Variants in SHANK1 observed in about 807,000 individuals in gnomAD.
The protein encoded by SHANK1 is SH3 and multiple ankyrin repeat domains 1, also known as SH3 and multiple ankyrin repeat domains protein 1.
In SHANK1, 35 loss-of-function variants were observed where a neutral mutation model predicts 165.6. The ratio of observed to expected loss-of-function variants is 0.21; its 90% CI spans 0.16 to 0.28. SHANK1 has a LOEUF of 0.28. Among genes scored for constraint, SHANK1 ranks in the 10% least tolerant of loss-of-function variants. SHANK1 has a pLI of 1.00. For synonymous variants in SHANK1, 1,428 were observed against 1,384.8 expected, an observed-to-expected ratio of 1.03 and a Z score of -0.69; for missense variants, 2,681 against 3,036.4, an observed-to-expected ratio of 0.88 and a Z score of 2.75.
Position 50,711,060 on chromosome 19 carries a change from T to G in SHANK1, c.1077+311A>C, listed in dbSNP as rs1303787565. On this transcript the variant is annotated intron_variant, in intron 8 of 23. Coordinates refer to ENST00000293441, the MANE Select transcript of SHANK1 (RefSeq NM_016148.5). ...GGATCTGGATTCCCTGTGACTTTGC[T>G]CTGAGCACTCTGGACTGTAGCAGCA... The G allele has an allele frequency of 1.0e-5, 3 of 288,048 alleles. No homozygotes were observed. The East Asian group carries it at 2.3e-4, about 22-fold the overall frequency. The allele number at this position is 288,048 out of a possible 1,614,324, so 17.8% of individuals were successfully genotyped here.
Position 50,666,899 on chromosome 19 carries a change from T to G in SHANK1, c.5061A>C (p.Pro1687=), listed in dbSNP as rs1985545811. The G allele has an allele frequency of 1.3e-6, 2 of 1,597,098 alleles. No homozygotes were observed. Among genetic ancestry groups the G allele is most frequent in the Admixed American group, 1.7e-5 (1 of 57,696 alleles). ...TGGAGGCGCTGCTGATGGTCTCCAG[T>G]GGGTGGTCACTGCTGCTCCGACTGT... ...EVDSRSSSDH[P]LETISSASTL... is the part of the protein sequence containing the mutation. The change falls in exon 23 of 24, where the codon CCA becomes CCC. Residue 1687 remains proline (P), a synonymous_variant. Coordinates refer to ENST00000293441, the MANE Select transcript of SHANK1 (RefSeq NM_016148.5).
At chr19:50,698,466 C>T (rs1986809296) in intron 12 of SHANK1, among the ~76,000 whole-genome samples, 1 of 152,166 alleles carries the variant, frequency 6.6e-6, no homozygotes, top group Non-Finnish European at 1.5e-5. Flanking sequence ...AGATTAGCAT[C>T]ACCTCTTTCC....
chr19:50,671,302 G>C (rs891692874), intron 22 of SHANK1, among the ~76,000 whole-genome samples: 19 of 144,944 alleles, frequency 1.3e-4, no homozygotes, highest in African/African-American at 4.9e-4. Context: ...TCCTGCCTCA[G>C]CCTCCTGAGT....
At position 50,686,678 on chromosome 19, in the gene SHANK1, A is replaced by G; in HGVS notation, c.2458+66T>C. ...GGGGCGCCGTGGGGTTCATGGTGGG[A>G]CAGGGATGCAGCGGGTGCCGGGGCT... On this transcript the variant is annotated intron_variant, in intron 20 of 23. Transcript: ENST00000293441. The surrounding 1 kb of genome is among the most constrained non-coding windows in gnomAD (Gnocchi z 5.7). 1 of 1,467,992 alleles carries G rather than the reference A, an allele frequency of 6.8e-7. No homozygotes were observed. Among genetic ancestry groups the G allele is most frequent in the South Asian group, 1.1e-5 (1 of 87,262 alleles). The allele number at this position is 1,467,992 out of a possible 1,614,324, so 90.9% of individuals were successfully genotyped here. A position where few individuals can be genotyped will look rare whatever the true frequency, so the allele number is the denominator to read the frequency against.
Position 50,666,313 on chromosome 19 carries a change from C to T in SHANK1, c.5647G>A (p.Gly1883Ser), listed in dbSNP as rs1194768970. ...ELSSKLQQFG[G>S]SSAAGGALPW... Reference sequence around the variant, plus strand: ...AGAGCGCCGCCAGCTGCCGAGGAGCCCCCAAACTGCTGAAGCTTGGAGCTG... The same window carrying T: ...AGAGCGCCGCCAGCTGCCGAGGAGCTCCCAAACTGCTGAAGCTTGGAGCTG... The change falls in exon 23 of 24, where the codon GGC becomes AGC. Residue 1883 changes from glycine (G) to serine (S), a missense_variant. By Grantham distance (56) the Gly-to-Ser change is moderately conservative (BLOSUM62 0). Around this residue, in one of 10 missense-constraint regions of SHANK1, gnomAD observed 1,713 missense variants for 1,630.2 expected, o/e 1.05. Transcript: ENST00000293441. 1.2e-6 allele frequency: 2 copies of T among 1,613,358 alleles called. No homozygotes were observed. Among genetic ancestry groups the T allele is most frequent in the Non-Finnish European group, 1.7e-6 (2 of 1,179,844 alleles).
Position 50,702,652 on chromosome 19 carries a change from C to T in SHANK1, c.1562G>A (p.Gly521Glu). The part of the protein sequence containing the change: ...RQPRGRPSSS[G>E]TPREGPAGGT... ...CCCGGCTGGCCCTTCCCGGGGTGTCCCGCTGGAGCTGCGTACACAGAGGGC... is the reference window on the plus strand; with the variant it reads ...CCCGGCTGGCCCTTCCCGGGGTGTCTCGCTGGAGCTGCGTACACAGAGGGC... The change falls in exon 12 of 24, where the codon GGG becomes GAG. Residue 521 changes from glycine (G) to glutamate (E), a missense_variant. By Grantham distance (98) the Gly-to-Glu change is moderately conservative. This residue lies in a region of SHANK1 where 195 missense variants were observed against 186.2 expected (regional missense o/e 1.05). Coordinates refer to ENST00000293441, the MANE Select transcript of SHANK1 (RefSeq NM_016148.5). The surrounding 1 kb of genome is among the most constrained non-coding windows in gnomAD (Gnocchi z 5.3). 1.9e-6 allele frequency: 3 copies of T among 1,568,976 alleles called. No homozygotes were observed. Among genetic ancestry groups the T allele is most frequent in the Non-Finnish European group, 2.6e-6 (3 of 1,159,016 alleles).
intron 4 of SHANK1, among the ~76,000 whole-genome samples, 154 bp from the exon 5 acceptor site, chr19:50,714,444 C>G (rs1282107248): frequency 1.3e-5 from 2 of 152,136 alleles, no homozygotes; most frequent in Non-Finnish European, 2.9e-5. Context: ...AAATACCCAG[C>G]CCTTTGGGAG....
chr19:50,662,045 C>A lies in SHANK1; in HGVS notation c.6406G>T (p.Asp2136Tyr), dbSNP rs780775538. 6.2e-7 allele frequency: 1 copy of A among 1,614,198 alleles called. No individual in the cohort carries two copies. The highest frequency in any genetic ancestry group is 1.1e-5 in the South Asian group (1 of 91,084). Reference sequence around the variant, plus strand: ...CTGGTCACACCTAGATCGACGTAGTCCTCCTTGGTCAAGGCGGGCAGGTGG... The same window carrying A: ...CTGGTCACACCTAGATCGACGTAGTACTCCTTGGTCAAGGCGGGCAGGTGG... Reference protein sequence around the residue: ...GSHLPALTKEDYVDLGVTRVG... With the variant: ...GSHLPALTKEYYVDLGVTRVG... The change falls in exon 24 of 24, where the codon GAC becomes TAC. Residue 2136 changes from aspartate (D) to tyrosine (Y), a missense_variant. By Grantham distance (160) the Asp-to-Tyr change is radical. This residue lies in a region of SHANK1 where 49 missense variants were observed against 94.2 expected (regional missense o/e 0.52). Coordinates refer to ENST00000293441, the MANE Select transcript of SHANK1 (RefSeq NM_016148.5). This position sits in a 1 kb window ranked among gnomAD's most constrained non-coding sequence, Gnocchi z 7.7.
chr19:50,694,882 G>A (rs552848346), intron 15 of SHANK1, among the ~76,000 whole-genome samples: 2,377 of 150,746 alleles, frequency 0.016, 32 homozygotes, highest in Admixed American at 0.023. Context: ...CCGCAAAGCA[G>A]GAGGCGGCGC....
At chr19:50,698,999 G>A (rs886632355) in intron 12 of SHANK1, among the ~76,000 whole-genome samples, 1 of 152,252 alleles carries the variant, frequency 6.6e-6, no homozygotes, top group Non-Finnish European at 1.5e-5. Context: ...AGACAAAGAA[G>A]CTGAAGCGAA....
At chr19:50,689,424 C>G (rs762168812) in intron 15 of SHANK1, 145 bp from the exon 16 acceptor site, 1 of 729,062 alleles carries the variant, frequency 1.4e-6, no homozygotes, top group South Asian at 1.5e-5. Flanking sequence ...TCTCTGTCAC[C>G]CACTCTGTGT....
chr19:50,696,162 G>T (rs1003179932), intron 15 of SHANK1, among the ~76,000 whole-genome samples: 1 of 152,190 alleles, frequency 6.6e-6, no homozygotes, highest in Non-Finnish European at 1.5e-5. Context: ...GGGACCACCC[G>T]CATTCAGCTG....
At chr19:50,684,237 T>TTC in intron 21 of SHANK1, among the ~76,000 whole-genome samples, 1 of 151,876 alleles carries the variant, frequency 6.6e-6, no homozygotes. Flanking sequence ...AGGTTTTTTT[T>TTC]TTTTTGAGAC....
At chr19:50,715,891 T>C (rs929052503) in intron 3 of SHANK1, among the ~76,000 whole-genome samples, 161 bp from the exon 4 acceptor site, 25 of 151,966 alleles carry the variant, frequency 1.6e-4, no homozygotes, top group African/African-American at 2.4e-4. Context: ...AGGCGGTAGA[T>C]GGGTGGCAGT....
intron 21 of SHANK1, among the ~76,000 whole-genome samples, chr19:50,676,637 T>C (rs1298399025): frequency 6.6e-6 from 1 of 152,138 alleles, no homozygotes; most frequent in African/African-American, 2.4e-5. Context: ...CTGTCATAAC[T>C]CCTTTAACTG....
Position 50,662,442 on chromosome 19 carries a change from C to A in SHANK1, c.6009G>T (p.Leu2003=). Residue 2003 remains leucine, a synonymous_variant, in exon 24 of 24, where the codon CTG becomes CTT. Coordinates refer to ENST00000293441, the MANE Select transcript of SHANK1 (RefSeq NM_016148.5). The surrounding 1 kb of genome is among the most constrained non-coding windows in gnomAD (Gnocchi z 7.7). ...PLLRRAPSPS[L]LPASEHKVSP... is the part of the protein sequence containing the mutation. ...TGACCTTGTGCTCCGAGGCGGGCAG[C>A]AGCGAGGGGCTGGGGGCCCGGCGGA... is the stretch of plus-strand genomic sequence containing the variant. The A allele has an allele frequency of 6.4e-7, 1 of 1,552,868 alleles. No individual in the cohort carries two copies. The highest frequency in any genetic ancestry group is 1.9e-5 in the Admixed American group (1 of 51,936).
intron 21 of SHANK1, among the ~76,000 whole-genome samples, chr19:50,685,356 T>G (rs1986298833): frequency 1.3e-5 from 2 of 152,178 alleles, no homozygotes; most frequent in South Asian, 4.1e-4. Context: ...TGAGCCTCAG[T>G]TTCCCCCTCT....
rs2089097415 is a variant in SHANK1, at chr19:50,718,720, G to A, written c.-44+686C>T. On this transcript the variant is annotated intron_variant, in intron 1 of 23. Coordinates refer to ENST00000293441, the MANE Select transcript of SHANK1 (RefSeq NM_016148.5). This position sits in a 1 kb window ranked among gnomAD's most constrained non-coding sequence, Gnocchi z 5.1. ...GGCCGAGAGCGGGGCCGGGGAGAAT[G>A]AATGGAGGCGGAGGGAGGCGGGGAG... 6.7e-6 allele frequency among the ~76,000 whole-genome samples: 1 copy of A among 148,766 alleles called. No individual in the cohort carries two copies. The highest frequency in any genetic ancestry group is 6.6e-5 in the Admixed American group (1 of 15,060).
chr19:50,695,007 G>C (rs1417938206), intron 15 of SHANK1, among the ~76,000 whole-genome samples: 2 of 148,688 alleles, frequency 1.3e-5, no homozygotes, highest in South Asian at 4.3e-4. Context: ...GGCCGCCCCC[G>C]AGACCCCCGC....
Sources: allele counts gnomAD v4.1 joint callset (sites outside exome capture counted in the v4.1 genomes callset), GRCh38; gene constraint gnomAD v4.1.1; regional missense constraint gnomAD v4.1.1; non-coding constraint Gnocchi (gnomAD v3.1); transcripts MANE v1.5; gene names NCBI Gene and HGNC (gene_info 2026-07-23, HGNC 2026-07-21).